Variants in LIMK2 observed in about 807,000 individuals in gnomAD.
LIMK2 encodes the protein LIM domain kinase 2.
LIMK2 carries 35 observed loss-of-function variants against 75.7 expected under a neutral mutation model. That is an observed-to-expected ratio of 0.46 (90% CI 0.35 to 0.61). The LOEUF (loss-of-function observed/expected upper bound fraction) is 0.61. LIMK2 is among the 20% of genes least tolerant of loss of function. The pLI is 0.00. For synonymous variants in LIMK2, 301 were observed against 319.2 expected (o/e 0.94, Z 0.61); for missense variants, 623 against 831.0 (o/e 0.75, Z 3.08).
chr22:31,272,761 G>T (rs1005280520), intron 13 of LIMK2, 57 bp downstream of exon 13: 1 of 1,517,150 alleles, frequency 6.6e-7, no homozygotes, highest in East Asian at 2.3e-5. Context: ...TGCTGCCCTT[G>T]CATCAGAGCC....
At chr22:31,273,820 C>T (rs184406752) in intron 14 of LIMK2, among the ~76,000 whole-genome samples, 1 of 152,192 alleles carries the variant, frequency 6.6e-6, no homozygotes, top group African/African-American at 2.4e-5. Context: ...GCCTCAGCCT[C>T]CCAAGTAGCT....
At chr22:31,219,066 A>T (rs920766888) in intron 1 of LIMK2, among the ~76,000 whole-genome samples, 1 of 152,220 alleles carries the variant, frequency 6.6e-6, no homozygotes, top group African/African-American at 2.4e-5. Flanking sequence ...ATACCAGGCC[A>T]ACCCTTCCAC....
At chr22:31,269,286 C>CTTTTTTTTTTTTTTTTTTTTT (rs796361643) in intron 11 of LIMK2, among the ~76,000 whole-genome samples, 1 of 95,480 alleles carries the variant, frequency 1.0e-5, no homozygotes, top group Non-Finnish European at 2.2e-5. Context: ...ATTTTTTTTT[C>CTTTTTTTTTTTTTTTTTTTTT]TTTTTTTTTT....
intron 15 of LIMK2, among the ~76,000 whole-genome samples, chr22:31,276,430 G>C (rs1311865203): frequency 6.6e-6 from 1 of 150,456 alleles, no homozygotes; most frequent in Admixed American, 6.6e-5. Context: ...TTTAAAAATG[G>C]TTTCCGGATA....
chr22:31,276,546 T>G, intron 15 of LIMK2, among the ~76,000 whole-genome samples: 1 of 145,736 alleles, frequency 6.9e-6, no homozygotes, highest in Admixed American at 6.8e-5. Flanking sequence ...GCCCGGGGGC[T>G]CCGCATGCTG....
At chr22:31,244,777 T>C (rs1388888908) in intron 2 of LIMK2, among the ~76,000 whole-genome samples, 2 of 152,228 alleles carry the variant, frequency 1.3e-5, no homozygotes, top group East Asian at 3.8e-4. Context: ...ACCTTTAATG[T>C]GTCCCAGACT....
At chr22:31,272,507 T>G in intron 12 of LIMK2, 23 bp from the exon 13 acceptor site, 2 of 1,595,018 alleles carry the variant, frequency 1.3e-6, no homozygotes, top group Non-Finnish European at 1.7e-6. Context: ...CATGAAGTCC[T>G]GACCTGTCTT....
chr22:31,213,443 A>C (rs1039605059), intron 1 of LIMK2, among the ~76,000 whole-genome samples: 1 of 152,148 alleles, frequency 6.6e-6, no homozygotes, highest in African/African-American at 2.4e-5. Context: ...GGGGCTGGCT[A>C]TCTGCCCCCT....
At chr22:31,274,258 A>G (rs901727260) in intron 14 of LIMK2, among the ~76,000 whole-genome samples, 1 of 152,124 alleles carries the variant, frequency 6.6e-6, no homozygotes. Flanking sequence ...AAAGATTCCT[A>G]CCTTTAGGAG....
In LIMK2 at chr22:31,279,670, CCTCTT is replaced by C. The variant is rs1230304431; in HGVS notation, c.*1232_*1236del. On this transcript the variant is annotated 3_prime_UTR_variant, in exon 16 of 16. Coordinates refer to ENST00000331728, the MANE Select transcript of LIMK2 (RefSeq NM_005569.4). ...GAACTCTTCATCACAACTAGATTTG[CCTCTT>C]CTAAGTGTCTATGAGCTTGCACCAT... 1.3e-5 allele frequency: 2 copies of C among 152,164 alleles called. No homozygotes were observed. Among genetic ancestry groups the C allele is most frequent in the African/African-American group, 2.4e-5 (1 of 41,416 alleles). The allele number at this position is 152,164 out of a possible 1,614,324, so 9.4% of individuals were successfully genotyped here.
chr22:31,216,382 G>A (rs1052358046), intron 1 of LIMK2, among the ~76,000 whole-genome samples: 2 of 152,180 alleles, frequency 1.3e-5, no homozygotes, highest in Non-Finnish European at 2.9e-5. Context: ...ATAGGAAGTG[G>A]AAGGTACAGC....
At chr22:31,228,732 G>A (rs140790357) in intron 2 of LIMK2, among the ~76,000 whole-genome samples, 213 of 152,192 alleles carry the variant, frequency 1.4e-3, no homozygotes, top group African/African-American at 4.7e-3. Context: ...CATGAGCCCA[G>A]GAGTTTGAGA....
intron 1 of LIMK2, among the ~76,000 whole-genome samples, chr22:31,220,578 C>T (rs1123705): frequency 0.24 from 37,026 of 152,128 alleles, 6,506 homozygotes; most frequent in African/African-American, 0.5. Context: ...ATGCAGTGAA[C>T]TGTAATTAAA....
At chr22:31,227,305 A>G (rs1414134850) in intron 2 of LIMK2, among the ~76,000 whole-genome samples, 2 of 152,234 alleles carry the variant, frequency 1.3e-5, no homozygotes, top group East Asian at 3.8e-4. Flanking sequence ...CTTGTGCTGT[A>G]GATTCCAGCT....
intron 2 of LIMK2, among the ~76,000 whole-genome samples, chr22:31,255,986 T>TC (rs2048775682): frequency 1.1e-5 from 1 of 90,402 alleles, no homozygotes; most frequent in Non-Finnish European, 2.1e-5. Flanking sequence ...GTCTTTTTTT[T>TC]TTTTTTTTTT....
chr22:31,256,084 C>A (rs943793282), intron 2 of LIMK2, among the ~76,000 whole-genome samples: 1 of 141,842 alleles, frequency 7.1e-6, no homozygotes, highest in Non-Finnish European at 1.5e-5. Flanking sequence ...CCACAACCTC[C>A]GCTTCCCAGG....
chr22:31,228,368 G>T (rs764931380), intron 2 of LIMK2, among the ~76,000 whole-genome samples: 1 of 152,044 alleles, frequency 6.6e-6, no homozygotes, highest in Non-Finnish European at 1.5e-5. Flanking sequence ...GCAGTGAGCC[G>T]AGATTGTGCC....
intron 15 of LIMK2, chr22:31,277,525 T>G (rs890957509): frequency 2.0e-6 from 2 of 1,016,878 alleles, no homozygotes; most frequent in African/African-American, 3.4e-5. Flanking sequence ...AGTCCTTCAG[T>G]AACACCAGTG....
rs772989249 is a variant in LIMK2 at position 31,212,375 on chromosome 22, G to A, written c.-34G>A. 17 of 1,334,438 alleles carry A rather than the reference G, an allele frequency of 1.3e-5. No homozygotes were observed. Among genetic ancestry groups the A allele is most frequent in the Admixed American group, 8.9e-5 (3 of 33,670 alleles). The allele number at this position is 1,334,438 out of a possible 1,614,324, so 82.7% of individuals were successfully genotyped here. A position where few individuals can be genotyped will look rare whatever the true frequency, so the allele number is the denominator to read the frequency against. On this transcript the variant is annotated 5_prime_UTR_variant, in exon 1 of 16. Coordinates refer to ENST00000331728, the MANE Select transcript of LIMK2 (RefSeq NM_005569.4). ...ACTGAGGGGAGCTGCTGTGTCCCCCGCCTCCTCCTCCCCATTTCCGCGCTC... is the reference window on the plus strand; with the variant it reads ...ACTGAGGGGAGCTGCTGTGTCCCCCACCTCCTCCTCCCCATTTCCGCGCTC...
Sources: allele counts gnomAD v4.1 joint callset (sites outside exome capture counted in the v4.1 genomes callset), GRCh38; gene constraint gnomAD v4.1.1; transcripts MANE v1.5; gene names NCBI Gene and HGNC (gene_info 2026-07-23, HGNC 2026-07-21).